RPSA2: variants seen among roughly 807,000 people sequenced by gnomAD.
The protein encoded by RPSA2 is small ribosomal subunit protein uS2B.
chr19:23,859,701 T>A, the RPSA2 span, among the ~76,000 whole-genome samples: 26 of 152,224 alleles, frequency 1.7e-4, no homozygotes, highest in Non-Finnish European at 3.4e-4. Context: ...TTTTTACTGA[T>A]TCATATAAGC....
chr19:23,766,698 C>T, the RPSA2 span, among the ~76,000 whole-genome samples: 4 of 151,752 alleles, frequency 2.6e-5, no homozygotes, highest in African/African-American at 9.7e-5. Flanking sequence ...TCGTGATCCG[C>T]CCGCCTCGGC....
chr19:23,773,304 A>C, the RPSA2 span, among the ~76,000 whole-genome samples: 5 of 97,278 alleles, frequency 5.1e-5, no homozygotes, highest in East Asian at 1.3e-3. Flanking sequence ...TTTTTTTTTT[A>C]AGACAGAGTC....
the RPSA2 span, among the ~76,000 whole-genome samples, chr19:23,851,148 A>T: frequency 4.6e-5 from 7 of 152,332 alleles, no homozygotes; most frequent in Admixed American, 2.6e-4. Flanking sequence ...CTACAGAAAC[A>T]TGTACATATG....
At chr19:23,838,081 G>T in the RPSA2 span, among the ~76,000 whole-genome samples, 565 of 152,258 alleles carry the variant, frequency 3.7e-3, 4 homozygotes, top group African/African-American at 0.013. Flanking sequence ...TTGTGGGTTT[G>T]CCATAGATAG....
At chr19:23,781,835 C>A in the RPSA2 span, among the ~76,000 whole-genome samples, 2 of 152,216 alleles carry the variant, frequency 1.3e-5, no homozygotes, top group Non-Finnish European at 2.9e-5. Context: ...CTTGGCCCAG[C>A]ATCTGAGTTA....
the RPSA2 span, among the ~76,000 whole-genome samples, chr19:23,772,347 G>T: frequency 6.6e-6 from 1 of 152,034 alleles, no homozygotes; most frequent in African/African-American, 2.4e-5. Flanking sequence ...ACTGCTGCTT[G>T]GTTCCTTCCC....
At chr19:23,813,642 ATAATT>A in the RPSA2 span, among the ~76,000 whole-genome samples, 1 of 149,808 alleles carries the variant, frequency 6.7e-6, no homozygotes, top group Non-Finnish European at 1.5e-5. Context: ...GTATTTGATA[ATAATT>A]TTATTTTTAA....
the RPSA2 span, among the ~76,000 whole-genome samples, chr19:23,865,508 C>G: frequency 6.6e-6 from 1 of 152,070 alleles, no homozygotes; most frequent in Non-Finnish European, 1.5e-5. Flanking sequence ...GCTGCTGTCT[C>G]TTTATTCTGC....
At chr19:23,803,386 A>G in the RPSA2 span, among the ~76,000 whole-genome samples, 1 of 151,824 alleles carries the variant, frequency 6.6e-6, no homozygotes, top group African/African-American at 2.4e-5. Flanking sequence ...TATGATTTAT[A>G]GGGTCTTAAT....
At chr19:23,857,191 T>C in the RPSA2 span, among the ~76,000 whole-genome samples, 2 of 152,230 alleles carry the variant, frequency 1.3e-5, no homozygotes, top group East Asian at 3.9e-4. Context: ...TGCACTGATT[T>C]CATATTGTTC....
the RPSA2 span, chr19:23,808,855 C>T: frequency 3.9e-6 from 2 of 516,090 alleles, no homozygotes; most frequent in Non-Finnish European, 3.3e-6. Flanking sequence ...GGATGAGAGG[C>T]CCAAATCAAG....
the RPSA2 span, among the ~76,000 whole-genome samples, chr19:23,806,181 A>G: frequency 6.6e-6 from 1 of 151,318 alleles, no homozygotes; most frequent in Non-Finnish European, 1.5e-5. Flanking sequence ...AGTAGCTGGG[A>G]TTACAAGCAT....
the RPSA2 span, among the ~76,000 whole-genome samples, chr19:23,841,061 T>C: frequency 1.0e-4 from 15 of 149,190 alleles, no homozygotes; most frequent in African/African-American, 3.7e-4. Flanking sequence ...CAGATTATGA[T>C]TTATGTTTTT....
At chr19:23,852,182 G>A in the RPSA2 span, among the ~76,000 whole-genome samples, 1 of 152,132 alleles carries the variant, frequency 6.6e-6, no homozygotes, top group Non-Finnish European at 1.5e-5. Flanking sequence ...AAGCCTCAGG[G>A]GTCAAAGTTC....
At chr19:23,867,378 C>G in the RPSA2 span, among the ~76,000 whole-genome samples, 1 of 152,010 alleles carries the variant, frequency 6.6e-6, no homozygotes, top group Non-Finnish European at 1.5e-5. Context: ...TTTATGGGGT[C>G]GAGACTTACT....
At chr19:23,832,200 G>A in the RPSA2 span, 3 of 427,192 alleles carry the variant, frequency 7.0e-6, no homozygotes, top group South Asian at 1.8e-5. Context: ...ATAAGAGGAT[G>A]CACAGAAGAA....
the RPSA2 span, among the ~76,000 whole-genome samples, chr19:23,769,132 C>T: frequency 6.6e-6 from 1 of 152,214 alleles, no homozygotes; most frequent in African/African-American, 2.4e-5. Flanking sequence ...ACTCTCTTCT[C>T]CCTGGGACCT....
the RPSA2 span, chr19:23,827,301 A>G: frequency 1.7e-5 from 25 of 1,460,336 alleles, no homozygotes; most frequent in Admixed American, 1.7e-4. Context: ...GATGGCATCT[A>G]TATCATAAAT....
At chr19:23,815,680 C>T in the RPSA2 span, among the ~76,000 whole-genome samples, 13 of 152,154 alleles carry the variant, frequency 8.5e-5, no homozygotes, top group African/African-American at 3.1e-4. Flanking sequence ...TCTGCAATGT[C>T]GTCTAGGCTT....
Sources: allele counts gnomAD v4.1 joint callset (sites outside exome capture counted in the v4.1 genomes callset), GRCh38; gene constraint gnomAD v4.1.1; transcripts MANE v1.5; gene names NCBI Gene and HGNC (gene_info 2026-07-23, HGNC 2026-07-21).